The following THAP5 variants were observed in gnomAD, a reference collection of about 807,000 sequenced individuals.
THAP5 encodes THAP domain containing 5.
Under a neutral mutation model 34.0 loss-of-function variants are expected in THAP5, and 26 were observed. The ratio of observed to expected loss-of-function variants is 0.77; its 90% CI spans 0.56 to 1.06. THAP5 has a LOEUF of 1.06. THAP5 is among the 50% of genes least tolerant of loss of function. THAP5 has a pLI of 0.00. For missense variants in THAP5, 394 were observed against 452.8 expected, an observed-to-expected ratio of 0.87 and a Z score of 1.18; for synonymous variants, 125 against 153.0, an observed-to-expected ratio of 0.82 and a Z score of 1.35.
At chr7:108,565,765 T>C in intron 2 of THAP5, 65 bp downstream of exon 2, 1 of 1,309,644 alleles carries the variant, frequency 7.6e-7, no homozygotes, top group South Asian at 1.8e-5. Flanking sequence ...CTCTCCCACC[T>C]GATCACCTGC....
chr7:108,553,604 C>T (rs1864367302), downstream of THAP5, among the ~76,000 whole-genome samples: 1 of 152,120 alleles, frequency 6.6e-6, no homozygotes, highest in Non-Finnish European at 1.5e-5. Flanking sequence ...TTTGCCCATA[C>T]CAAAAACATA....
downstream of THAP5, among the ~76,000 whole-genome samples, chr7:108,558,792 A>G (rs1442145484): frequency 1.3e-5 from 2 of 152,174 alleles, no homozygotes; most frequent in African/African-American, 4.8e-5. Flanking sequence ...GATATAGCAT[A>G]TCTGTGTGGT....
At chr7:108,569,372 GC>G in intron 1 of THAP5, 117 bp downstream of exon 1, 1 of 1,516,184 alleles carries the variant, frequency 6.6e-7, no homozygotes, top group Non-Finnish European at 8.8e-7. Context: ...CGGGCGACGG[GC>G]CACGTACGGA....
the THAP5 span, among the ~76,000 whole-genome samples, chr7:108,548,390 T>C: frequency 9.2e-5 from 14 of 151,964 alleles, no homozygotes; most frequent in Non-Finnish European, 1.5e-4. Context: ...AAAAAACAAG[T>C]AAAGAAGCAA....
At chr7:108,566,869 G>A (rs1790498018) in intron 1 of THAP5, among the ~76,000 whole-genome samples, 1 of 152,170 alleles carries the variant, frequency 6.6e-6, no homozygotes, top group African/African-American at 2.4e-5. Flanking sequence ...ATCTAAAAAG[G>A]TTTGGGTCAA....
Position 108,564,254 on chromosome 7 carries a change from T to G in THAP5, c.1125A>C (p.Leu375=). ...CTATAATCTTGACGTTTTCTTCAGA[T>G]AGCCAGTTTTCCTGCTTTAGCTGCC... ...LIRQLKQENW[L]SEENVKIIEN... is the part of the protein sequence containing the mutation. The change falls in exon 3 of 3, where the codon CTA becomes CTC. Residue 375 remains leucine (L), a synonymous_variant. Coordinates refer to ENST00000415914, the MANE Select transcript of THAP5 (RefSeq NM_001130475.3). 6.2e-7 allele frequency: 1 copy of G among 1,611,212 alleles called. No individual in the cohort carries two copies. The highest frequency in any genetic ancestry group is 8.5e-7 in the Non-Finnish European group (1 of 1,179,176).
chr7:108,567,530 T>C (rs1374722755), intron 1 of THAP5, among the ~76,000 whole-genome samples: 2 of 152,240 alleles, frequency 1.3e-5, no homozygotes, highest in African/African-American at 2.4e-5. Flanking sequence ...ATTGCTTCAA[T>C]AGGTAAATCT....
the THAP5 span, among the ~76,000 whole-genome samples, chr7:108,544,942 C>T: frequency 1.3e-5 from 2 of 152,124 alleles, no homozygotes; most frequent in South Asian, 2.1e-4. Flanking sequence ...TGAGCCACTA[C>T]GCCTGGCCTA....
chr7:108,560,105 C>G (rs1412390345), downstream of THAP5, among the ~76,000 whole-genome samples: 1 of 152,182 alleles, frequency 6.6e-6, no homozygotes, highest in Non-Finnish European at 1.5e-5. Context: ...TAAACCTACT[C>G]TCTTATAAGA....
Position 108,565,810 on chromosome 7 carries a change from C to A in THAP5, c.273+20G>T. The A allele has an allele frequency of 6.6e-7, 1 of 1,521,406 alleles. No individual in the cohort carries two copies. Among genetic ancestry groups the A allele is most frequent in the South Asian group, 1.3e-5 (1 of 78,408 alleles). 94.2% of individuals were successfully genotyped at this position (1,521,406 alleles called of 1,614,324 possible). On this transcript the variant is annotated intron_variant, in intron 2 of 2. Transcript: ENST00000415914. ...ATCTGCCACTCTGCTCAGCATTACC[C>A]CTCTCCCATACTGCAATACCTGATT...
At chr7:108,549,640 C>A (rs1864341501), downstream of THAP5, among the ~76,000 whole-genome samples, 1 of 152,102 alleles carries the variant, frequency 6.6e-6, no homozygotes, top group Admixed American at 6.5e-5. Context: ...CATGTAAATG[C>A]AGTTATGTAT....
At position 108,562,855 on chromosome 7, in the gene THAP5, T is replaced by C. The variant is rs1449527648; in HGVS notation, c.*1336A>G. ...CTTCTCTTTTCTAAGAGAAATTCTT[T>C]GTCTCCCTAAGATCATGACCACTTA... On this transcript the variant is annotated 3_prime_UTR_variant, in exon 3 of 3. Coordinates refer to ENST00000415914, the MANE Select transcript of THAP5 (RefSeq NM_001130475.3). The C allele has an allele frequency of 6.6e-6, 1 of 152,196 alleles. No homozygotes were observed. Among genetic ancestry groups the C allele is most frequent in the Non-Finnish European group, 1.5e-5 (1 of 68,024 alleles). 9.4% of individuals were successfully genotyped at this position (152,196 alleles called of 1,614,324 possible).
chr7:108,559,043 C>G (rs1864408242), downstream of THAP5, among the ~76,000 whole-genome samples: 1 of 152,196 alleles, frequency 6.6e-6, no homozygotes, highest in Admixed American at 6.5e-5. Flanking sequence ...TCAAGCCCTT[C>G]TGAAATGTAT....
chr7:108,553,404 GC>G (rs1564007508), downstream of THAP5, among the ~76,000 whole-genome samples: 2 of 152,246 alleles, frequency 1.3e-5, no homozygotes, highest in East Asian at 3.9e-4. Context: ...TTAGCTGAAG[GC>G]CCTCCATAAA....
At position 108,564,041 on chromosome 7, in the gene THAP5, T is replaced by C. The variant is rs1790419331; in HGVS notation, c.*150A>G. The C allele has an allele frequency of 3.5e-6, 2 of 573,056 alleles. No individual in the cohort carries two copies. Among genetic ancestry groups the C allele is most frequent in the East Asian group, 3.1e-5 (1 of 32,728 alleles). 35.5% of individuals were successfully genotyped at this position (573,056 alleles called of 1,614,324 possible). On this transcript the variant is annotated 3_prime_UTR_variant, in exon 3 of 3. Coordinates refer to ENST00000415914, the MANE Select transcript of THAP5 (RefSeq NM_001130475.3). The stretch of plus-strand genomic sequence containing the variant: ...TCTCTGGTTTTTCTTAAATAAGTAT[T>C]ACAAGAATAGGATACAGTTCATAAC...
downstream of THAP5, among the ~76,000 whole-genome samples, chr7:108,559,816 G>GAGA (rs1864413707): frequency 2.0e-5 from 3 of 152,062 alleles, no homozygotes; most frequent in Admixed American, 2.0e-4. Flanking sequence ...CAGATCTCAT[G>GAGA]AGAACTCATG....
At chr7:108,542,060 A>T in the THAP5 span, among the ~76,000 whole-genome samples, 1 of 152,324 alleles carries the variant, frequency 6.6e-6, no homozygotes, top group Admixed American at 6.5e-5. Context: ...AGGAAAAAAA[A>T]CCCTTAAATT....
At chr7:108,558,961 C>T (rs571171058), downstream of THAP5, among the ~76,000 whole-genome samples, 2 of 152,182 alleles carry the variant, frequency 1.3e-5, no homozygotes, top group Non-Finnish European at 2.9e-5. Flanking sequence ...ATTTAAAATA[C>T]ATTTAAGATC....
At chr7:108,569,467 C>T (rs1266226046) in intron 1 of THAP5, 23 bp downstream of exon 1, 1 of 1,551,584 alleles carries the variant, frequency 6.4e-7, no homozygotes. Context: ...GAGGCTGACG[C>T]TTCTGCTCCA....
Sources: allele counts gnomAD v4.1 joint callset (sites outside exome capture counted in the v4.1 genomes callset), GRCh38; gene constraint gnomAD v4.1.1; transcripts MANE v1.5; gene names NCBI Gene and HGNC (gene_info 2026-07-23, HGNC 2026-07-21).